PGM1: variants seen among roughly 807,000 people sequenced by gnomAD.
The protein encoded by PGM1 is phosphoglucomutase 1, also known as phosphoglucomutase-1.
In PGM1, 52 loss-of-function variants were observed where a neutral mutation model predicts 55.6. That is an observed-to-expected ratio of 0.94 (90% CI 0.75 to 1.18). PGM1 has a LOEUF of 1.18. Ranked by LOEUF, PGM1 falls within the 50% of genes most tolerant of loss-of-function variation. The pLI is 0.00. For synonymous variants in PGM1, 287 were observed against 271.7 expected (o/e 1.06, Z -0.55); for missense variants, 724 against 729.3 (o/e 0.99, Z 0.08).
rs775908795 is a variant in PGM1 at position 63,593,751 on chromosome 1, C to T, written c.246+17C>T. On this transcript the variant is annotated intron_variant, in intron 1 of 10. Coordinates refer to ENST00000371084, the MANE Select transcript of PGM1 (RefSeq NM_002633.3). ...GCCAACGGGGTAAGGGATGCGCGGC[C>T]CCGCGCCGCTGTGCACCCTGGCGCG... 8 of 1,579,938 alleles carry T rather than the reference C, an allele frequency of 5.1e-6. No homozygotes were observed. In the East Asian group the frequency reaches 9.2e-5, roughly 18 times the overall value.
intron 4 of PGM1, among the ~76,000 whole-genome samples, chr1:63,634,438 T>C (rs544629878): frequency 6.6e-6 from 1 of 152,298 alleles, no homozygotes; most frequent in East Asian, 1.9e-4. Flanking sequence ...CTGGCAGAGC[T>C]GGGATTTGAA....
At chr1:63,606,460 G>A (rs1380976991) in intron 1 of PGM1, among the ~76,000 whole-genome samples, 1 of 152,054 alleles carries the variant, frequency 6.6e-6, no homozygotes, top group African/African-American at 2.4e-5. Flanking sequence ...TTCTTCTGTT[G>A]TGCAGCCTTC....
intron 7 of PGM1, among the ~76,000 whole-genome samples, chr1:63,639,859 A>G (rs1334907901): frequency 2.0e-5 from 3 of 152,212 alleles, no homozygotes; most frequent in Admixed American, 2.0e-4. Context: ...ACATATTTAC[A>G]GAGTTCTAAG....
At chr1:63,656,902 G>T (rs1649983734) in intron 10 of PGM1, among the ~76,000 whole-genome samples, 1 of 152,008 alleles carries the variant, frequency 6.6e-6, no homozygotes, top group African/African-American at 2.4e-5. Context: ...TTCTAGAGAT[G>T]GAATGTACAA....
In PGM1 at chr1:63,603,234, AGT is replaced by A. The variant is rs1002278719; in HGVS notation, c.246+9501_246+9502del. 1.4e-3 allele frequency among the ~76,000 whole-genome samples: 207 copies of A among 152,324 alleles called. 1 individual carries two copies. The highest frequency in any genetic ancestry group is 4.6e-3 in the African/African-American group (191 of 41,566). ...ACCTTTCAGGTGTCCCAGGTCACAA[AGT>A]CAGGAAAAGAGCCTGGGAACTGCCC... On this transcript the variant is annotated intron_variant, in intron 1 of 10. Transcript: ENST00000371084.
intron 3 of PGM1, among the ~76,000 whole-genome samples, chr1:63,631,164 G>A (rs1011220223): frequency 2.6e-5 from 4 of 152,128 alleles, no homozygotes; most frequent in African/African-American, 9.7e-5. Flanking sequence ...CCTGTGAAAA[G>A]TGATTCATTA....
In PGM1 at chr1:63,654,331, G is replaced by A. The variant is rs778471138; in HGVS notation, c.1465-1G>A. On this transcript the variant is annotated splice_acceptor_variant, in intron 9 of 10. Transcript: ENST00000371084. LOFTEE classifies it high-confidence loss of function. ...AAAAAATCTCTGCTTATCTTTTCCA[G>A]GGCTTGCGCCTCATTTTCACAGATG... 1 of 1,613,852 alleles carries A rather than the reference G, an allele frequency of 6.2e-7. No individual in the cohort carries two copies. Among genetic ancestry groups the A allele is most frequent in the South Asian group, 1.1e-5 (1 of 91,054 alleles).
intron 2 of PGM1, 88 bp downstream of exon 2, chr1:63,629,675 T>C: frequency 1.5e-6 from 2 of 1,353,730 alleles, no homozygotes; most frequent in Non-Finnish European, 1.0e-6. Flanking sequence ...AGGGTTTTGG[T>C]TCTGATCCTT....
At chr1:63,624,080 C>G (rs921209035) in intron 1 of PGM1, among the ~76,000 whole-genome samples, 1 of 152,184 alleles carries the variant, frequency 6.6e-6, no homozygotes, top group Non-Finnish European at 1.5e-5. Flanking sequence ...TTCTAACTAG[C>G]TTCAAGGGGC....
In PGM1 at chr1:63,634,841, A is replaced by G. The variant is rs1433486952; in HGVS notation, c.695A>G (p.Tyr232Cys). ...IDAMHGVVGP[Y>C]VKKILCEELG... ...ATGCTGTATATAGTTGTGGGACCGT[A>G]TGTAAAGAAGATCCTCTGTGAAGAA... The change falls in exon 5 of 11, where the codon TAT becomes TGT. Residue 232 changes from tyrosine (Y) to cysteine (C), a missense_variant. Tyr to Cys is a radical substitution (Grantham distance 194). Coordinates refer to ENST00000371084, the MANE Select transcript of PGM1 (RefSeq NM_002633.3). The G allele has an allele frequency of 6.2e-7, 1 of 1,612,776 alleles. No homozygotes were observed.
chr1:63,613,259 CTTTTT>C (rs11377805), intron 1 of PGM1, among the ~76,000 whole-genome samples: 6 of 107,828 alleles, frequency 5.6e-5, no homozygotes, highest in Admixed American at 2.0e-4. Context: ...GTTGGCTTAT[CTTTTT>C]TTTTTTTTTT....
chr1:63,651,754 G>C lies in PGM1; in HGVS notation c.1366G>C (p.Gly456Arg). ...CCTGATGTTTGATCGCTCCTTTGTG[G>C]GGAAGCAGTTCTCAGCAAATGACAA... ...EALMFDRSFV[G>R]KQFSANDKVY... Residue 456 changes from glycine (G) to arginine (R), a missense_variant, in exon 9 of 11, where the codon GGG becomes CGG. Transcript: ENST00000371084. 1 of 1,613,882 alleles carries C rather than the reference G, an allele frequency of 6.2e-7. No individual in the cohort carries two copies. Among genetic ancestry groups the C allele is most frequent in the East Asian group, 2.2e-5 (1 of 44,836 alleles).
chr1:63,594,261 G>GCTCTCGCCACCCTT, intron 1 of PGM1: 1 of 420,742 alleles, frequency 2.4e-6, no homozygotes, highest in Non-Finnish European at 3.2e-6. Flanking sequence ...GGGCAAGGGT[G>GCTCTCGCCACCCTT]GCGAGAGCAC....
At chr1:63,600,676 C>G (rs192731771) in intron 1 of PGM1, among the ~76,000 whole-genome samples, 306 of 152,138 alleles carry the variant, frequency 2.0e-3, no homozygotes, top group Middle Eastern at 3.4e-3. Context: ...AGAGCAGAGA[C>G]CTGAATGAAG....
At chr1:63,607,299 G>T (rs1175896916) in intron 1 of PGM1, among the ~76,000 whole-genome samples, 1 of 152,214 alleles carries the variant, frequency 6.6e-6, no homozygotes, top group African/African-American at 2.4e-5. Flanking sequence ...TGTGTCAGGA[G>T]CAGTGGAATT....
chr1:63,655,743 G>C (rs1037496012), intron 10 of PGM1: 2 of 152,258 alleles, frequency 1.3e-5, no homozygotes, highest in African/African-American at 4.8e-5. Flanking sequence ...CACCATAAAG[G>C]CTCCAAGATT....
chr1:63,612,673 C>T lies in PGM1; in HGVS notation c.247-16752C>T, dbSNP rs759156547. Among the ~76,000 whole-genome samples the T allele has an allele frequency of 3.8e-4, 58 of 152,218 alleles. 1 individual carries two copies. The highest frequency in any genetic ancestry group is 1.3e-4 in the Admixed American group (2 of 15,284). On this transcript the variant is annotated intron_variant, in intron 1 of 10. Transcript: ENST00000371084. Reference sequence around the variant, plus strand: ...AGTTATCCTGGGAAGCAATTATAAGCTTTCAGCCTCAACCATGCAGACTAA... The same window carrying T: ...AGTTATCCTGGGAAGCAATTATAAGTTTTCAGCCTCAACCATGCAGACTAA...
intron 1 of PGM1, chr1:63,623,771 G>A (rs750202593): frequency 1.9e-6 from 3 of 1,585,090 alleles, no homozygotes; most frequent in South Asian, 1.1e-5. Flanking sequence ...GTGGGTATAT[G>A]ATAAGTATTG....
In PGM1 at chr1:63,594,034, C is replaced by T. The variant is rs1208977059; in HGVS notation, c.246+300C>T. ...CCGACTCTCCGTCTCTAGCCGCTGCCTTCCCTCTCCCCGTCCCCCGCCCCT... is the reference window on the plus strand; with the variant it reads ...CCGACTCTCCGTCTCTAGCCGCTGCTTTCCCTCTCCCCGTCCCCCGCCCCT... On this transcript the variant is annotated intron_variant, in intron 1 of 10. Coordinates refer to ENST00000371084, the MANE Select transcript of PGM1 (RefSeq NM_002633.3). 10 of 1,104,650 alleles carry T rather than the reference C, an allele frequency of 9.1e-6. No individual in the cohort carries two copies. In the South Asian group the frequency reaches 2.7e-4, roughly 30 times the overall value. The allele number at this position is 1,104,650 out of a possible 1,614,324, so 68.4% of individuals were successfully genotyped here.
Sources: gnomAD v4.1 joint callset for allele counts (sites outside exome capture counted in the v4.1 genomes callset) on GRCh38, gnomAD v4.1.1 for gene constraint, MANE v1.5 for transcripts, NCBI Gene and HGNC (gene_info 2026-07-23, HGNC 2026-07-21) for gene names.